The following SYNPR variants were observed in gnomAD, a reference collection of about 807,000 sequenced individuals.
SYNPR encodes synaptoporin.
Under a neutral mutation model 32.9 loss-of-function variants are expected in SYNPR, and 23 were observed. That is an observed-to-expected ratio of 0.70 (90% CI 0.50 to 0.99). SYNPR has a LOEUF of 0.99. Among genes scored for constraint, SYNPR ranks in the 50% least tolerant of loss-of-function variants. SYNPR has a pLI of 0.00. For missense variants in SYNPR, 318 were observed against 349.3 expected, an observed-to-expected ratio of 0.91 and a Z score of 0.71; for synonymous variants, 146 against 135.9, an observed-to-expected ratio of 1.07 and a Z score of -0.52.
chr3:63,597,370 G>A (rs1177233676), intron 4 of SYNPR, among the ~76,000 whole-genome samples: 2 of 152,160 alleles, frequency 1.3e-5, no homozygotes, highest in African/African-American at 2.4e-5. Flanking sequence ...AAACAGTGCT[G>A]TATTCTAGCT....
At chr3:63,509,343 T>C (rs1486933428) in intron 3 of SYNPR, among the ~76,000 whole-genome samples, 5 of 151,002 alleles carry the variant, frequency 3.3e-5, no homozygotes, top group Non-Finnish European at 7.4e-5. Context: ...TATTCTTATA[T>C]ATATACACAC....
intron 2 of SYNPR, among the ~76,000 whole-genome samples, chr3:63,264,027 T>C (rs913595034): frequency 1.3e-5 from 2 of 152,158 alleles, no homozygotes; most frequent in Non-Finnish European, 2.9e-5. Flanking sequence ...GACTAAGTAA[T>C]TTACCCAAAG....
intron 2 of SYNPR, among the ~76,000 whole-genome samples, chr3:63,302,033 C>G (rs561454230): frequency 3.9e-4 from 59 of 152,132 alleles, no homozygotes; most frequent in African/African-American, 1.4e-3. Flanking sequence ...AATAAATGGA[C>G]GTATGAATAA....
intron 4 of SYNPR, among the ~76,000 whole-genome samples, chr3:63,591,564 C>T (rs1464858955): frequency 7.8e-6 from 1 of 127,720 alleles, no homozygotes; most frequent in Non-Finnish European, 1.6e-5. Context: ...CCCAAATGTC[C>T]AACAATGATA....
At chr3:63,377,592 G>A (rs1315570502) in intron 2 of SYNPR, among the ~76,000 whole-genome samples, 1 of 151,614 alleles carries the variant, frequency 6.6e-6, no homozygotes, top group Non-Finnish European at 1.5e-5. Context: ...GAATCAACCA[G>A]CAAGGATGGA....
At chr3:63,493,815 C>CAAAAAAAAAAA (rs3083190) in intron 3 of SYNPR, among the ~76,000 whole-genome samples, 2 of 75,094 alleles carry the variant, frequency 2.7e-5, no homozygotes, top group Non-Finnish European at 4.8e-5. Flanking sequence ...GACTCTGTCT[C>CAAAAAAAAAAA]AAAAAAAAAA....
At chr3:63,462,722 T>C (rs1700608631) in intron 2 of SYNPR, among the ~76,000 whole-genome samples, 2 of 152,206 alleles carry the variant, frequency 1.3e-5, no homozygotes, top group Admixed American at 1.3e-4. Context: ...TCATCTATTA[T>C]GACTGGGAAG....
intron 2 of SYNPR, among the ~76,000 whole-genome samples, chr3:63,347,743 A>C (rs1228677908): frequency 6.6e-6 from 1 of 152,004 alleles, no homozygotes; most frequent in African/African-American, 2.4e-5. Flanking sequence ...ACTGTTTCTG[A>C]GTTGTTTCAC....
At chr3:63,286,529 A>C (rs1161170991) in intron 2 of SYNPR, among the ~76,000 whole-genome samples, 1 of 142,514 alleles carries the variant, frequency 7.0e-6, no homozygotes, top group African/African-American at 2.6e-5. Context: ...AAGTAGAAAC[A>C]CCATCCTTAG....
chr3:63,581,027 C>T (rs963711873), intron 4 of SYNPR, among the ~76,000 whole-genome samples: 2 of 152,100 alleles, frequency 1.3e-5, no homozygotes, highest in African/African-American at 4.8e-5. Context: ...GAAGATGAAT[C>T]CAGAACTGAC....
At chr3:63,445,677 C>A in intron 2 of SYNPR, 1 of 544,804 alleles carries the variant, frequency 1.8e-6, no homozygotes, top group Non-Finnish European at 3.3e-6. Context: ...CATTACCTCT[C>A]CATTTTACAG....
rs114808795 is a variant in SYNPR, at chr3:63,252,803, G to T, written n.154+217G>T. ...TGCCTGTAATCTTAGCACGTTGGGTGGCTGAGGAGGGCAGATCACCTGAGG... is the reference window on the plus strand; with the variant it reads ...TGCCTGTAATCTTAGCACGTTGGGTTGCTGAGGAGGGCAGATCACCTGAGG... On this transcript the variant is annotated intron_variant and non_coding_transcript_variant, in intron 2 of 4. Transcript: ENST00000478456. Among the ~76,000 whole-genome samples the T allele has an allele frequency of 2.5e-3, 385 of 152,268 alleles. 5 individuals carry two copies. The highest frequency in any genetic ancestry group is 8.7e-3 in the African/African-American group (360 of 41,554).
chr3:63,480,912 A>G lies in SYNPR; in HGVS notation c.165A>G (p.Thr55=), dbSNP rs1701034360. ...TGAGTGTGGACTGCGTCAACAAGAC[A>G]GAAAGTAACCTCAGCATCGACATAG... ...LRLSVDCVNK[T]ESNLSIDIAF... is the part of the protein sequence containing the mutation. Residue 55 remains threonine, a synonymous_variant, in exon 3 of 6, where the codon ACA becomes ACG. Coordinates refer to ENST00000478300, the MANE Select transcript of SYNPR (RefSeq NM_001130003.2). The G allele has an allele frequency of 1.9e-6, 3 of 1,613,484 alleles. No individual in the cohort carries two copies. The highest frequency in any genetic ancestry group is 1.7e-6 in the Non-Finnish European group (2 of 1,179,592).
At chr3:63,453,973 C>A (rs1251173530) in intron 2 of SYNPR, among the ~76,000 whole-genome samples, 2 of 151,902 alleles carry the variant, frequency 1.3e-5, no homozygotes, top group Non-Finnish European at 2.9e-5. Flanking sequence ...TAGATAGAAA[C>A]CTATTTAGAA....
intron 2 of SYNPR, among the ~76,000 whole-genome samples, chr3:63,391,250 CCTCA>C: frequency 6.6e-6 from 1 of 152,234 alleles, no homozygotes; most frequent in South Asian, 2.1e-4. Context: ...GCAGAATCTG[CCTCA>C]CTGTGACATA....
At chr3:63,317,338 G>T (rs2087053844) in intron 2 of SYNPR, among the ~76,000 whole-genome samples, 2 of 151,824 alleles carry the variant, frequency 1.3e-5, no homozygotes, top group African/African-American at 2.4e-5. Context: ...GAGTATTGAA[G>T]TCCCTCACTA....
intron 4 of SYNPR, among the ~76,000 whole-genome samples, chr3:63,579,307 T>C (rs12634457): frequency 0.14 from 20,732 of 152,088 alleles, 1,933 homozygotes; most frequent in South Asian, 0.34. Flanking sequence ...CCTGGAAGGC[T>C]CTTCCCCAGA....
intron 3 of SYNPR, among the ~76,000 whole-genome samples, chr3:63,496,807 GC>G (rs1296702032): frequency 2.0e-5 from 2 of 100,314 alleles, no homozygotes. Flanking sequence ...TTGCCCACCT[GC>G]CCCCAGTTGT....
intron 2 of SYNPR, among the ~76,000 whole-genome samples, chr3:63,415,742 C>T (rs760946867): frequency 4.6e-5 from 7 of 152,220 alleles, no homozygotes; most frequent in African/African-American, 9.6e-5. Context: ...GTTCTGCAAG[C>T]GTCCTTCTAA....
Sources: gnomAD v4.1 joint callset for allele counts (sites outside exome capture counted in the v4.1 genomes callset) on GRCh38, gnomAD v4.1.1 for gene constraint, MANE v1.5 for transcripts, NCBI Gene and HGNC (gene_info 2026-07-23, HGNC 2026-07-21) for gene names.